The following PPP1R9A variants were observed in gnomAD, a reference collection of about 807,000 sequenced individuals.
PPP1R9A encodes the protein protein phosphatase 1 regulatory subunit 9A, also known as neurabin-1.
In PPP1R9A, 59 loss-of-function variants were observed where a neutral mutation model predicts 141.9. That is an observed-to-expected ratio of 0.42 (90% CI 0.34 to 0.52). PPP1R9A has a LOEUF of 0.52. Ranked by LOEUF, PPP1R9A falls within the 20% of genes least tolerant of loss-of-function variation. PPP1R9A has a pLI of 0.10. For synonymous variants in PPP1R9A, 500 were observed against 569.7 expected, an observed-to-expected ratio of 0.88 and a Z score of 1.74; for missense variants, 1,444 against 1,611.9, an observed-to-expected ratio of 0.90 and a Z score of 1.78.
chr7:94,926,301 C>T (rs1793480539), intron 2 of PPP1R9A, among the ~76,000 whole-genome samples: 1 of 152,082 alleles, frequency 6.6e-6, no homozygotes. Context: ...ATCTATTGCC[C>T]TGTAAGGTAA....
intron 7 of PPP1R9A, among the ~76,000 whole-genome samples, chr7:95,224,402 G>A (rs748923419): frequency 1.3e-5 from 2 of 152,116 alleles, no homozygotes; most frequent in African/African-American, 2.4e-5. Flanking sequence ...CATGATAATA[G>A]CCTCTGTGTG....
chr7:95,267,492 T>C (rs1801477484), intron 12 of PPP1R9A, among the ~76,000 whole-genome samples: 1 of 152,002 alleles, frequency 6.6e-6, no homozygotes, highest in African/African-American at 2.4e-5. Context: ...CACCAGAGAG[T>C]ACTTTTCCTT....
chr7:94,984,452 A>G (rs1800538594), intron 2 of PPP1R9A, among the ~76,000 whole-genome samples: 1 of 151,916 alleles, frequency 6.6e-6, no homozygotes, highest in South Asian at 2.1e-4. Context: ...CTGTGAATCC[A>G]TCTGGTCTCG....
At chr7:95,215,964 C>T (rs1393599932) in intron 7 of PPP1R9A, among the ~76,000 whole-genome samples, 2 of 152,124 alleles carry the variant, frequency 1.3e-5, no homozygotes, top group Non-Finnish European at 2.9e-5. Flanking sequence ...TGTGAAGAAG[C>T]CCTTTAATTT....
chr7:95,057,501 T>C lies in PPP1R9A; in HGVS notation c.1396-53758T>C, dbSNP rs559708095. ...CTCTAGAACGGTTTAAAAGAAATTA[T>C]GGTCATGGTAGAGAGATTTAATTTG... On this transcript the variant is annotated intron_variant, in intron 2 of 19. Transcript: ENST00000433360. Among the ~76,000 whole-genome samples the C allele has an allele frequency of 5.3e-5, 8 of 152,254 alleles. No individual in the cohort carries two copies. The East Asian group carries it at 1.2e-3, about 22-fold the overall frequency.
At chr7:95,089,249 C>CT (rs1817014507) in intron 2 of PPP1R9A, among the ~76,000 whole-genome samples, 1 of 152,006 alleles carries the variant, frequency 6.6e-6, no homozygotes, top group Non-Finnish European at 1.5e-5. Flanking sequence ...TTTTCAAATG[C>CT]TTTTTAATGC....
intron 18 of PPP1R9A, 104 bp downstream of exon 18, chr7:95,286,429 A>T (rs1439652554): frequency 6.7e-7 from 1 of 1,501,286 alleles, no homozygotes; most frequent in Non-Finnish European, 8.9e-7. Flanking sequence ...CATAGAAATC[A>T]TCAGGACTGT....
At chr7:95,110,088 C>T (rs1344237408) in intron 2 of PPP1R9A, among the ~76,000 whole-genome samples, 1 of 152,090 alleles carries the variant, frequency 6.6e-6, no homozygotes, top group African/African-American at 2.4e-5. Flanking sequence ...ACAAATCCTA[C>T]AAATGATACT....
At chr7:95,022,690 G>T (rs533407991) in intron 2 of PPP1R9A, among the ~76,000 whole-genome samples, 33 of 152,212 alleles carry the variant, frequency 2.2e-4, no homozygotes, top group African/African-American at 7.7e-4. Context: ...TAGCATGAAG[G>T]GGTGTTGAAT....
chr7:95,105,764 T>C (rs1819426354), intron 2 of PPP1R9A, among the ~76,000 whole-genome samples: 1 of 152,194 alleles, frequency 6.6e-6, no homozygotes, highest in Non-Finnish European at 1.5e-5. Context: ...ATCAAGATCA[T>C]GTAGATGAAA....
Position 95,100,471 on chromosome 7 carries a change from C to T in PPP1R9A, c.1396-10788C>T, listed in dbSNP as rs140276473. Among the ~76,000 whole-genome samples the T allele has an allele frequency of 1.7e-3, 265 of 152,172 alleles. 2 individuals carry two copies. The highest frequency in any genetic ancestry group is 6.1e-3 in the African/African-American group (253 of 41,518). On this transcript the variant is annotated intron_variant, in intron 2 of 19. Transcript: ENST00000433360. ...TGAATTGAGAGGACTTAGTAAGCAG[C>T]GTAAGTTGTGTTTTCCAGTATCTTT...
chr7:95,244,294 AG>A (rs1421167412), intron 8 of PPP1R9A, among the ~76,000 whole-genome samples: 1 of 152,144 alleles, frequency 6.6e-6, no homozygotes, highest in Admixed American at 6.6e-5. Flanking sequence ...GCTGTTTCAC[AG>A]TTTTACCTGG....
chr7:95,082,386 G>T (rs980559839), intron 2 of PPP1R9A, among the ~76,000 whole-genome samples: 29 of 152,056 alleles, frequency 1.9e-4, no homozygotes, highest in African/African-American at 6.5e-4. Flanking sequence ...TTGAGGCTCT[G>T]TGTAAGCCAG....
chr7:95,128,564 T>TGTTC (rs1823990064), intron 4 of PPP1R9A, among the ~76,000 whole-genome samples: 1 of 152,020 alleles, frequency 6.6e-6, no homozygotes, highest in South Asian at 2.1e-4. Flanking sequence ...TTTTGTTTTC[T>TGTTC]GTTCGTTTGT....
At chr7:95,244,465 G>C (rs73221998) in intron 8 of PPP1R9A, among the ~76,000 whole-genome samples, 13,220 of 152,170 alleles carry the variant, frequency 0.087, 773 homozygotes, top group East Asian at 0.17. Flanking sequence ...GGCCCTTGGA[G>C]TTCCTCACAT....
intron 8 of PPP1R9A, among the ~76,000 whole-genome samples, chr7:95,235,527 T>C (rs1475030952): frequency 2.0e-5 from 3 of 152,168 alleles, no homozygotes; most frequent in Non-Finnish European, 4.4e-5. Flanking sequence ...ATAACTGATG[T>C]TGGCATGGAT....
At chr7:94,975,624 A>G (rs774735662) in intron 2 of PPP1R9A, among the ~76,000 whole-genome samples, 1 of 152,020 alleles carries the variant, frequency 6.6e-6, no homozygotes, top group Non-Finnish European at 1.5e-5. Context: ...AAGCAGTACA[A>G]AAATTACTGG....
chr7:95,165,629 C>T (rs1831121987), intron 5 of PPP1R9A, among the ~76,000 whole-genome samples: 1 of 152,158 alleles, frequency 6.6e-6, no homozygotes, highest in African/African-American at 2.4e-5. Context: ...TAATTTGTAT[C>T]AGCAGCTACA....
chr7:95,090,250 G>A (rs1025003382), intron 2 of PPP1R9A, among the ~76,000 whole-genome samples: 3 of 151,348 alleles, frequency 2.0e-5, no homozygotes, highest in Non-Finnish European at 4.4e-5. Context: ...AAAAAAAAAC[G>A]CCTGATTTTA....
Sources: allele counts gnomAD v4.1 joint callset (sites outside exome capture counted in the v4.1 genomes callset), GRCh38; gene constraint gnomAD v4.1.1; transcripts MANE v1.5; gene names NCBI Gene and HGNC (gene_info 2026-07-23, HGNC 2026-07-21).